Variants in ARL15 observed in about 807,000 individuals in gnomAD.
ARL15 encodes the protein ADP-ribosylation factor-like protein 15.
In ARL15, 19 loss-of-function variants were observed where a neutral mutation model predicts 25.2. The ratio of observed to expected loss-of-function variants is 0.75; its 90% confidence interval spans 0.53 to 1.10. ARL15 has a LOEUF of 1.10. ARL15 is among the 50% of genes least tolerant of loss of function. The pLI is 0.00. For synonymous variants in ARL15, 94 were observed against 86.8 expected (o/e 1.08, Z -0.46); for missense variants, 220 against 246.0 (o/e 0.89, Z 0.71).
chr5:54,202,938 A>G (rs1391472797), intron 1 of ARL15, among the ~76,000 whole-genome samples: 1 of 152,220 alleles, frequency 6.6e-6, no homozygotes, highest in African/African-American at 2.4e-5. Flanking sequence ...AATATATACC[A>G]GAAGTCCTAG....
At chr5:54,211,690 T>C (rs1756046958) in intron 1 of ARL15, among the ~76,000 whole-genome samples, 1 of 152,122 alleles carries the variant, frequency 6.6e-6, no homozygotes, top group Admixed American at 6.5e-5. Context: ...CAGGCTGGTC[T>C]TGAACTCCTG....
chr5:54,090,868 C>G (rs1277072745), intron 4 of ARL15, among the ~76,000 whole-genome samples: 4 of 152,106 alleles, frequency 2.6e-5, no homozygotes, highest in African/African-American at 7.2e-5. Context: ...GGGGCTATAA[C>G]AAGACATCAC....
At chr5:54,274,778 C>T (rs975517680) in intron 1 of ARL15, among the ~76,000 whole-genome samples, 2 of 152,096 alleles carry the variant, frequency 1.3e-5, no homozygotes, top group Non-Finnish European at 2.9e-5. Context: ...CCTGTAATCC[C>T]AGCTACTCAG....
chr5:54,088,071 AT>A (rs1752029449), intron 4 of ARL15, among the ~76,000 whole-genome samples: 1 of 152,224 alleles, frequency 6.6e-6, no homozygotes, highest in Admixed American at 6.5e-5. Context: ...CCTAGGAACT[AT>A]CCATTGAAAT....
At position 54,129,964 on chromosome 5, in the gene ARL15, T is replaced by C. The variant is rs182292251; in HGVS notation, c.254-16554A>G. On this transcript the variant is annotated intron_variant, in intron 3 of 4. Coordinates refer to ENST00000504924, the MANE Select transcript of ARL15 (RefSeq NM_019087.3). ...AAAATGTCTTAAAATATTGGCTGGA[T>C]GTGGTGGCTCATGCCTATAATCCCA... is the stretch of plus-strand genomic sequence containing the variant. 6.6e-3 allele frequency among the ~76,000 whole-genome samples: 1,008 copies of C among 152,296 alleles called. 8 individuals carry two copies. The highest frequency in any genetic ancestry group is 0.018 in the African/African-American group (743 of 41,572).
chr5:54,017,552 T>C (rs1216392554), intron 4 of ARL15, among the ~76,000 whole-genome samples: 1 of 147,792 alleles, frequency 6.8e-6, no homozygotes, highest in Non-Finnish European at 1.5e-5. Context: ...GCATGTTCTG[T>C]CAGAGTTTCT....
Position 54,113,339 on chromosome 5 carries a change from T to A in ARL15, c.325A>T (p.Ser109Cys). The change falls in exon 4 of 5, where the codon AGT (serine) becomes TGT (cysteine). Residue 109 changes from serine (S) to cysteine (C), a missense_variant. Ser to Cys is a moderately radical substitution (Grantham distance 112). Coordinates refer to ENST00000504924, the MANE Select transcript of ARL15 (RefSeq NM_019087.3). The stretch of plus-strand genomic sequence containing the variant: ...TCTAAATCATCCTCTGAAGAGGCAC[T>A]GTCTAATACAAATATTACCCCTTGA... Reference protein sequence around the residue: ...GSQGVIFVLDSASSEDDLEAA... With the variant: ...GSQGVIFVLDCASSEDDLEAA... The A allele has an allele frequency of 1.2e-6, 2 of 1,614,006 alleles. No individual in the cohort carries two copies. The highest frequency in any genetic ancestry group is 1.7e-6 in the Non-Finnish European group (2 of 1,179,872).
intron 2 of ARL15, among the ~76,000 whole-genome samples, chr5:54,168,902 T>C (rs1239545443): frequency 6.6e-6 from 1 of 152,214 alleles, no homozygotes; most frequent in African/African-American, 2.4e-5. Context: ...AAGCAATATA[T>C]GTGAACTGTT....
At chr5:54,057,226 T>C (rs1561205985) in intron 4 of ARL15, among the ~76,000 whole-genome samples, 3 of 152,214 alleles carry the variant, frequency 2.0e-5, no homozygotes, top group African/African-American at 7.2e-5. Flanking sequence ...TCATTGTTCA[T>C]CTTGCCCTCT....
intron 3 of ARL15, among the ~76,000 whole-genome samples, chr5:54,126,421 T>G (rs1472809237): frequency 2.0e-5 from 3 of 152,220 alleles, no homozygotes; most frequent in Non-Finnish European, 4.4e-5. Context: ...GAATCTTAAG[T>G]CATTCTTTAC....
chr5:54,158,575 C>G (rs1351006751), intron 2 of ARL15, among the ~76,000 whole-genome samples: 1 of 152,064 alleles, frequency 6.6e-6, no homozygotes, highest in Non-Finnish European at 1.5e-5. Flanking sequence ...GTACTACTGT[C>G]CCAAGAAGAA....
intron 2 of ARL15, among the ~76,000 whole-genome samples, chr5:54,159,264 C>A (rs1367179880): frequency 6.6e-6 from 1 of 152,084 alleles, no homozygotes; most frequent in Non-Finnish European, 1.5e-5. Context: ...AAATCAGGAA[C>A]TTAGGAGGGG....
At chr5:54,225,233 A>T (rs187794049) in intron 1 of ARL15, among the ~76,000 whole-genome samples, 23 of 152,256 alleles carry the variant, frequency 1.5e-4, no homozygotes, top group African/African-American at 5.1e-4. Context: ...TTAAAAAGAG[A>T]CTGAAAAGAA....
intron 1 of ARL15, chr5:54,310,200 C>CT: frequency 2.1e-6 from 1 of 476,754 alleles, no homozygotes; most frequent in Middle Eastern, 5.5e-4. Flanking sequence ...GACCCTCGCC[C>CT]TGCAGCCGTG....
chr5:54,192,019 C>G (rs1280555073), intron 1 of ARL15, among the ~76,000 whole-genome samples: 1 of 152,148 alleles, frequency 6.6e-6, no homozygotes, highest in African/African-American at 2.4e-5. Flanking sequence ...TATTTCTTCA[C>G]TCAGTCAGTT....
intron 1 of ARL15, among the ~76,000 whole-genome samples, chr5:54,284,878 G>T (rs914722745): frequency 1.3e-5 from 2 of 152,104 alleles, no homozygotes; most frequent in East Asian, 3.9e-4. Context: ...TAATTACTAG[G>T]AGTCGGATAC....
intron 1 of ARL15, among the ~76,000 whole-genome samples, chr5:54,291,412 T>C (rs747405859): frequency 9.2e-5 from 14 of 152,256 alleles, no homozygotes; most frequent in Non-Finnish European, 1.8e-4. Flanking sequence ...CTAGATTACT[T>C]ATACCTAATA....
intron 4 of ARL15, among the ~76,000 whole-genome samples, chr5:53,967,680 A>G (rs1747607840): frequency 6.6e-6 from 1 of 152,196 alleles, no homozygotes; most frequent in African/African-American, 2.4e-5. Context: ...TTCAGGAGAC[A>G]GATCTAGGAA....
chr5:54,249,714 A>G (rs1391027670), intron 1 of ARL15, among the ~76,000 whole-genome samples: 10 of 152,044 alleles, frequency 6.6e-5, no homozygotes, highest in Non-Finnish European at 1.5e-5. Context: ...GTAGGAGAAA[A>G]GAAGGAAATC....
Sources: gnomAD v4.1 joint callset for allele counts (sites outside exome capture counted in the v4.1 genomes callset) on GRCh38, gnomAD v4.1.1 for gene constraint, MANE v1.5 for transcripts, NCBI Gene and HGNC (gene_info 2026-07-23, HGNC 2026-07-21) for gene names.